Variants in MGAT4C observed in about 807,000 individuals in gnomAD.
MGAT4C encodes the protein MGAT4 family member C.
In MGAT4C, 19 loss-of-function variants were observed where a neutral mutation model predicts 40.1. The observed-to-expected ratio is 0.47, with a 90% CI of 0.33 to 0.70. The LOEUF (loss-of-function observed/expected upper bound fraction) is 0.70. Ranked by LOEUF, MGAT4C falls within the 30% of genes least tolerant of loss-of-function variation. The pLI, the probability that MGAT4C is intolerant of heterozygous loss-of-function variation, is 0.02. For missense variants in MGAT4C, 491 were observed against 563.2 expected (o/e 0.87, Z 1.30); for synonymous variants, 181 against 187.1 (o/e 0.97, Z 0.27).
chr12:86,304,185 T>A (rs1056306767), intron 4 of MGAT4C, among the ~76,000 whole-genome samples: 9 of 150,726 alleles, frequency 6.0e-5, no homozygotes, highest in Admixed American at 3.9e-4. Flanking sequence ...TATATCAGTG[T>A]CAAAAAATAA....
chr12:86,442,736 GTGTTGA>G, intron 2 of MGAT4C, among the ~76,000 whole-genome samples: 1 of 148,778 alleles, frequency 6.7e-6, no homozygotes, highest in Non-Finnish European at 1.5e-5. Flanking sequence ...CAACTGGTCA[GTGTTGA>G]CTGGTCAACA....
At chr12:86,454,065 T>C (rs1200244880) in intron 2 of MGAT4C, among the ~76,000 whole-genome samples, 1 of 152,034 alleles carries the variant, frequency 6.6e-6, no homozygotes, top group Non-Finnish European at 1.5e-5. Context: ...AATAAAAGGC[T>C]CAGAAAACTA....
intron 1 of MGAT4C, among the ~76,000 whole-genome samples, chr12:86,198,779 C>T (rs931035989): frequency 6.6e-6 from 1 of 152,040 alleles, no homozygotes; most frequent in Non-Finnish European, 1.5e-5. Context: ...AATGCCAATA[C>T]ATCTTCATTT....
At chr12:86,014,234 G>A (rs1888826256) in intron 2 of MGAT4C, among the ~76,000 whole-genome samples, 1 of 152,062 alleles carries the variant, frequency 6.6e-6, no homozygotes, top group South Asian at 2.1e-4. Context: ...TTTTGGCAAC[G>A]GCATTACATT....
chr12:86,475,015 G>A (rs1238136476), intron 2 of MGAT4C, among the ~76,000 whole-genome samples: 1 of 152,050 alleles, frequency 6.6e-6, no homozygotes, highest in Non-Finnish European at 1.5e-5. Context: ...GCACTTAACT[G>A]AATATATGTT....
chr12:86,174,630 C>T (rs994605684), intron 1 of MGAT4C, among the ~76,000 whole-genome samples: 1 of 152,046 alleles, frequency 6.6e-6, no homozygotes, highest in Non-Finnish European at 1.5e-5. Flanking sequence ...TATGTAGCTC[C>T]ACTCATTGTC....
At chr12:86,315,148 C>G (rs376639025) in intron 4 of MGAT4C, among the ~76,000 whole-genome samples, 2 of 151,972 alleles carry the variant, frequency 1.3e-5, no homozygotes, top group African/African-American at 4.8e-5. Flanking sequence ...CAGCATGATA[C>G]TGGTGCAAAA....
chr12:86,624,377 G>A (rs745470224), intron 2 of MGAT4C, among the ~76,000 whole-genome samples: 7 of 152,106 alleles, frequency 4.6e-5, no homozygotes, highest in Non-Finnish European at 1.0e-4. Flanking sequence ...GGAAGTAATG[G>A]TTAAGGCAGA....
chr12:86,745,682 T>C (rs1390151930), intron 1 of MGAT4C, among the ~76,000 whole-genome samples: 1 of 151,682 alleles, frequency 6.6e-6, no homozygotes, highest in Non-Finnish European at 1.5e-5. Context: ...TTTTGATTAA[T>C]GGTGCATGAA....
chr12:86,071,533 T>C (rs1345997332), intron 1 of MGAT4C, among the ~76,000 whole-genome samples: 1 of 152,140 alleles, frequency 6.6e-6, no homozygotes, highest in Non-Finnish European at 1.5e-5. Context: ...TGGTTAACTT[T>C]GTTGCTCTTA....
At chr12:86,653,139 A>G (rs1338007619) in intron 2 of MGAT4C, among the ~76,000 whole-genome samples, 1 of 151,888 alleles carries the variant, frequency 6.6e-6, no homozygotes, top group Non-Finnish European at 1.5e-5. Flanking sequence ...TATGATGTTT[A>G]ATTTTGTCAT....
chr12:86,059,056 G>C (rs1893677226), intron 1 of MGAT4C, among the ~76,000 whole-genome samples: 1 of 151,932 alleles, frequency 6.6e-6, no homozygotes, highest in Non-Finnish European at 1.5e-5. Flanking sequence ...GTTTTGTTTT[G>C]TTTTTCGAAA....
chr12:86,382,391 G>T (rs554861325), intron 3 of MGAT4C, among the ~76,000 whole-genome samples: 1 of 152,306 alleles, frequency 6.6e-6, no homozygotes, highest in East Asian at 1.9e-4. Flanking sequence ...GCATTCAAGA[G>T]GTGACTTGGG....
chr12:86,359,107 C>T (rs4542483), intron 3 of MGAT4C, among the ~76,000 whole-genome samples: 111,487 of 152,072 alleles, frequency 0.73, 41,072 homozygotes, highest in East Asian at 0.91. Context: ...TGTAAAAGAA[C>T]AGAAATCACA....
intron 1 of MGAT4C, among the ~76,000 whole-genome samples, chr12:86,074,605 G>C (rs1428404811): frequency 6.6e-6 from 1 of 151,834 alleles, no homozygotes; most frequent in Non-Finnish European, 1.5e-5. Context: ...CTTTCATATG[G>C]ACCTGTATTA....
chr12:86,372,056 C>T (rs1394610329), intron 3 of MGAT4C, among the ~76,000 whole-genome samples: 1 of 151,302 alleles, frequency 6.6e-6, no homozygotes, highest in Non-Finnish European at 1.5e-5. Flanking sequence ...AAAAAATATA[C>T]TATATCAAAT....
chr12:86,273,614 G>A (rs894480277), intron 4 of MGAT4C, among the ~76,000 whole-genome samples: 4 of 152,254 alleles, frequency 2.6e-5, no homozygotes, highest in Non-Finnish European at 5.9e-5. Context: ...GAGACCTGGA[G>A]TCACAATGTG....
At chr12:86,580,472 T>C (rs1395894601) in intron 2 of MGAT4C, among the ~76,000 whole-genome samples, 2 of 151,424 alleles carry the variant, frequency 1.3e-5, no homozygotes, top group African/African-American at 2.4e-5. Flanking sequence ...ATGAATGAAA[T>C]AATAATGCAT....
At position 86,816,663 on chromosome 12, in the gene MGAT4C, T is replaced by G. The variant is rs1251528613; in HGVS notation, c.-262+22003A>C. 1.3e-5 allele frequency among the ~76,000 whole-genome samples: 2 copies of G among 151,656 alleles called. 1 individual carries two copies. The highest frequency in any genetic ancestry group is 4.1e-4 in the South Asian group (2 of 4,820). ...TTGCTAACATGTGCCACTAAAAATT[T>G]TTTTAGAACAACAGTGGGTTTTGTA... On this transcript the variant is annotated intron_variant, in intron 1 of 7. Coordinates refer to the MGAT4C transcript ENST00000548651.
Sources: gnomAD v4.1 joint callset for allele counts (sites outside exome capture counted in the v4.1 genomes callset) on GRCh38, gnomAD v4.1.1 for gene constraint, MANE v1.5 for transcripts, NCBI Gene and HGNC (gene_info 2026-07-23, HGNC 2026-07-21) for gene names.